Variants in ATF2 observed in about 807,000 individuals in gnomAD.
The protein encoded by ATF2 is activating transcription factor 2.
In ATF2, 24 loss-of-function variants were observed where a neutral mutation model predicts 60.6. That is an observed-to-expected ratio of 0.40 (90% CI 0.29 to 0.56). The LOEUF is 0.56. ATF2 is among the 20% of genes least tolerant of loss of function. The pLI, the probability that ATF2 is intolerant of heterozygous loss-of-function variation, is 0.54. For synonymous variants in ATF2, 206 were observed against 215.4 expected (o/e 0.96, Z 0.38); for missense variants, 433 against 607.7 (o/e 0.71, Z 3.02).
chr2:175,082,944 G>A (rs190093787), intron 12 of ATF2, among the ~76,000 whole-genome samples: 3 of 151,604 alleles, frequency 2.0e-5, no homozygotes, highest in Admixed American at 6.6e-5. Flanking sequence ...TACAAGGGAC[G>A]TGAAGGACCT....
intron 12 of ATF2, among the ~76,000 whole-genome samples, chr2:175,088,074 C>A (rs953188142): frequency 6.6e-6 from 1 of 152,106 alleles, no homozygotes; most frequent in Non-Finnish European, 1.5e-5. Context: ...CTGTTCTATA[C>A]CTTATTTCAG....
At chr2:175,088,542 T>C (rs951384396) in intron 12 of ATF2, among the ~76,000 whole-genome samples, 20 of 152,032 alleles carry the variant, frequency 1.3e-4, no homozygotes, top group African/African-American at 3.9e-4. Flanking sequence ...CATTTTGCAG[T>C]ATCTAAGTTA....
intron 10 of ATF2, among the ~76,000 whole-genome samples, chr2:175,109,168 TAAAAAAAA>T (rs66812318): frequency 3.6e-5 from 3 of 82,600 alleles, no homozygotes; most frequent in East Asian, 4.6e-4. Flanking sequence ...GAATGATCAA[TAAAAAAAA>T]AAAAAAAAAA....
At position 175,094,694 on chromosome 2, in the gene ATF2, C is replaced by A. The variant is rs35794333; in HGVS notation, c.979-1427G>T. Among the ~76,000 whole-genome samples, 198 of 152,254 alleles carry A rather than the reference C, an allele frequency of 1.3e-3. 2 individuals carry two copies. Among genetic ancestry groups the A allele is most frequent in the South Asian group, 0.011 (52 of 4,828 alleles). On this transcript the variant is annotated intron_variant, in intron 11 of 13. Transcript: ENST00000264110. ...AAAAATAAAGTTATCATTTCTTTGT[C>A]CAAATAACTAGCATTACAAAGAGAG...
chr2:175,143,609 C>T (rs747406105), intron 2 of ATF2, among the ~76,000 whole-genome samples: 6 of 152,146 alleles, frequency 3.9e-5, no homozygotes, highest in Non-Finnish European at 5.9e-5. Flanking sequence ...TTCTACTTTA[C>T]CAGCAGAGAA....
intron 2 of ATF2, among the ~76,000 whole-genome samples, chr2:175,142,176 GTTTTC>G (rs768884876): frequency 2.7e-5 from 4 of 148,102 alleles, no homozygotes; most frequent in South Asian, 4.2e-4. Context: ...CCTCTTTCCA[GTTTTC>G]TTTTCTTTTT....
At chr2:175,091,177 T>C (rs1175278990) in intron 12 of ATF2, among the ~76,000 whole-genome samples, 6 of 152,288 alleles carry the variant, frequency 3.9e-5, no homozygotes, top group Non-Finnish European at 7.4e-5. Context: ...AGGAAAATAA[T>C]GGTAAATTTG....
chr2:175,123,304 T>G (rs1416196340), intron 4 of ATF2, among the ~76,000 whole-genome samples: 1 of 152,090 alleles, frequency 6.6e-6, no homozygotes, highest in Admixed American at 6.6e-5. Context: ...GTTTTAAATA[T>G]ATGTGTCTTA....
intron 3 of ATF2, among the ~76,000 whole-genome samples, chr2:175,136,151 T>C (rs1238350058): frequency 6.6e-6 from 1 of 151,870 alleles, no homozygotes; most frequent in East Asian, 1.9e-4. Flanking sequence ...GAACATCCCA[T>C]GGGACTGATA....
chr2:175,132,060 T>G (rs1271932337), intron 3 of ATF2, among the ~76,000 whole-genome samples: 5 of 152,224 alleles, frequency 3.3e-5, no homozygotes, highest in Admixed American at 6.5e-5. Flanking sequence ...CCTATGTGCT[T>G]CTGGTATTCA....
chr2:175,125,110 C>T (rs1306399152), intron 4 of ATF2, among the ~76,000 whole-genome samples: 2 of 151,954 alleles, frequency 1.3e-5, no homozygotes, highest in Non-Finnish European at 2.9e-5. Context: ...TTAACTAAGA[C>T]CATTGTGTTA....
chr2:175,104,810 T>C (rs1378207550), intron 10 of ATF2, among the ~76,000 whole-genome samples: 1 of 140,374 alleles, frequency 7.1e-6, no homozygotes, highest in Non-Finnish European at 1.5e-5. Flanking sequence ...TTTGGTATTT[T>C]ACGTTCTACA....
chr2:175,096,206 A>T (rs142648512), intron 11 of ATF2, among the ~76,000 whole-genome samples: 1,924 of 152,338 alleles, frequency 0.013, 28 homozygotes, highest in African/African-American at 0.042. Context: ...AACATTTAAC[A>T]GGAGTACAAT....
At chr2:175,145,515 T>C (rs1698889778) in intron 2 of ATF2, among the ~76,000 whole-genome samples, 1 of 152,208 alleles carries the variant, frequency 6.6e-6, no homozygotes, top group African/African-American at 2.4e-5. Flanking sequence ...GCCATGCTTG[T>C]ATAGCCTGTG....
chr2:175,076,059 T>C (rs1169528080), intron 13 of ATF2, among the ~76,000 whole-genome samples: 2 of 152,102 alleles, frequency 1.3e-5, no homozygotes, highest in East Asian at 1.9e-4. Context: ...GTGAAAAAAA[T>C]TGTGGACATC....
intron 2 of ATF2, among the ~76,000 whole-genome samples, chr2:175,150,518 A>G (rs1699241089): frequency 6.6e-6 from 1 of 152,174 alleles, no homozygotes; most frequent in Admixed American, 6.6e-5. Flanking sequence ...ACAGTATTCA[A>G]TAAAGGTATG....
chr2:175,166,752 C>A (rs1405525657), intron 1 of ATF2, among the ~76,000 whole-genome samples: 1 of 152,146 alleles, frequency 6.6e-6, no homozygotes, highest in African/African-American at 2.4e-5. Context: ...GGTCATGTTT[C>A]TTCAAATAGG....
intron 11 of ATF2, among the ~76,000 whole-genome samples, chr2:175,096,873 A>G (rs970063410): frequency 1.3e-5 from 2 of 152,190 alleles, no homozygotes; most frequent in East Asian, 3.8e-4. Flanking sequence ...TTAACCTATT[A>G]AATTTTCCTA....
chr2:175,085,141 C>G (rs1694061974), intron 12 of ATF2, among the ~76,000 whole-genome samples: 1 of 152,140 alleles, frequency 6.6e-6, no homozygotes. Flanking sequence ...CTGAAACACT[C>G]TATACATTCA....
Sources: allele counts gnomAD v4.1 joint callset (sites outside exome capture counted in the v4.1 genomes callset), GRCh38; gene constraint gnomAD v4.1.1; transcripts MANE v1.5; gene names NCBI Gene and HGNC (gene_info 2026-07-23, HGNC 2026-07-21).